Variants in RANBP2 observed in about 807,000 individuals in gnomAD.
The protein encoded by RANBP2 is E3 SUMO-protein ligase RanBP2.
Under a neutral mutation model 303.6 loss-of-function variants are expected in RANBP2, and 57 were observed. The observed-to-expected ratio is 0.19, with a 90% CI of 0.15 to 0.23. The LOEUF is 0.23. RANBP2 is among the 10% of genes least tolerant of loss of function. RANBP2 has a pLI of 1.00. For synonymous variants in RANBP2, 1,167 were observed against 1,301.5 expected (o/e 0.90, Z 2.23); for missense variants, 3,138 against 3,780.8 (o/e 0.83, Z 4.46).
chr2:108,979,467 T>TCTCACACACACACA, the RANBP2 span, among the ~76,000 whole-genome samples: 14 of 147,222 alleles, frequency 9.5e-5, no homozygotes, highest in African/African-American at 2.8e-4. Context: ...TCTCTCTCTC[T>TCTCACACACACACA]CACACACACA....
chr2:108,905,846 G>A, the RANBP2 span, among the ~76,000 whole-genome samples: 1 of 152,206 alleles, frequency 6.6e-6, no homozygotes, highest in Admixed American at 6.5e-5. Flanking sequence ...ACTTAGCTCA[G>A]AAGGCCGCTG....
the RANBP2 span, chr2:109,613,984 C>G: frequency 2.6e-6 from 3 of 1,163,884 alleles, no homozygotes; most frequent in South Asian, 8.5e-5. Flanking sequence ...CGGGGCCGAG[C>G]TGGAGGCCTC....
the RANBP2 span, among the ~76,000 whole-genome samples, chr2:109,033,510 C>G: frequency 6.6e-6 from 1 of 152,180 alleles, no homozygotes; most frequent in Non-Finnish European, 1.5e-5. Flanking sequence ...ATCCATCTCC[C>G]CATCCACCTA....
the RANBP2 span, chr2:109,371,532 T>G: frequency 6.6e-7 from 1 of 1,518,372 alleles, no homozygotes; most frequent in Non-Finnish European, 9.1e-7. Context: ...TTGCTTCCTT[T>G]TTCATTGTGT....
the RANBP2 span, among the ~76,000 whole-genome samples, chr2:109,473,859 C>T: frequency 6.6e-6 from 1 of 152,008 alleles, no homozygotes; most frequent in African/African-American, 2.4e-5. Flanking sequence ...CTGAACCGCT[C>T]TCCTTGTGCC....
the RANBP2 span, among the ~76,000 whole-genome samples, chr2:108,831,700 TCTTCCTTCCTTCCTTC>T: frequency 6.9e-6 from 1 of 145,152 alleles, no homozygotes; most frequent in Non-Finnish European, 1.5e-5. Context: ...TGGCACAGAA[TCTTCCTTCCTTCCTTC>T]CTTCCTTCCT....
chr2:109,156,159 T>C, the RANBP2 span, among the ~76,000 whole-genome samples: 1 of 152,260 alleles, frequency 6.6e-6, no homozygotes, highest in African/African-American at 2.4e-5. Context: ...GCAGTCCATC[T>C]CAGCAGTTTG....
chr2:109,386,661 C>T, the RANBP2 span, among the ~76,000 whole-genome samples: 1 of 152,198 alleles, frequency 6.6e-6, no homozygotes, highest in Non-Finnish European at 1.5e-5. Context: ...ATCCTAGGGG[C>T]AGCCCCAGGA....
chr2:109,611,529 G>A, the RANBP2 span, among the ~76,000 whole-genome samples: 3 of 152,044 alleles, frequency 2.0e-5, no homozygotes, highest in South Asian at 4.2e-4. Flanking sequence ...AGGCTGAGAC[G>A]GGAGGATCGC....
chr2:109,376,143 G>A, the RANBP2 span, among the ~76,000 whole-genome samples: 1 of 152,238 alleles, frequency 6.6e-6, no homozygotes, highest in Non-Finnish European at 1.5e-5. Flanking sequence ...CTGCTCCTCG[G>A]TCCATTGCTG....
chr2:109,283,559 G>A, the RANBP2 span, among the ~76,000 whole-genome samples: 1 of 152,284 alleles, frequency 6.6e-6, no homozygotes, highest in South Asian at 2.1e-4. Flanking sequence ...TAAGATCCTG[G>A]TGAGCAGGAT....
the RANBP2 span, among the ~76,000 whole-genome samples, chr2:109,693,202 G>T: frequency 6.7e-6 from 1 of 148,330 alleles, no homozygotes; most frequent in East Asian, 2.0e-4. Context: ...TTTTGAGAGG[G>T]AATCTCACTC....
At chr2:108,937,558 ATG>A in the RANBP2 span, among the ~76,000 whole-genome samples, 3,621 of 151,602 alleles carry the variant, frequency 0.024, 80 homozygotes, top group African/African-American at 0.056. Context: ...TGTGAATGTT[ATG>A]TGTGTGTGTA....
the RANBP2 span, among the ~76,000 whole-genome samples, chr2:108,799,964 ATTT>A: frequency 0.013 from 2,002 of 152,086 alleles, 46 homozygotes; most frequent in African/African-American, 0.046. Flanking sequence ...TAAAAAATTT[ATTT>A]TTGTTTTTCT....
the RANBP2 span, among the ~76,000 whole-genome samples, chr2:109,686,455 C>G: frequency 2.0e-5 from 3 of 152,280 alleles, no homozygotes; most frequent in African/African-American, 4.8e-5. Context: ...GCTGGGATTA[C>G]AGGCGCCCGC....
At chr2:109,344,597 C>T in the RANBP2 span, among the ~76,000 whole-genome samples, 1 of 152,176 alleles carries the variant, frequency 6.6e-6, no homozygotes, top group Non-Finnish European at 1.5e-5. Flanking sequence ...CAGCCCATGA[C>T]AGGCTGATGG....
the RANBP2 span, among the ~76,000 whole-genome samples, chr2:109,619,368 A>G: frequency 6.6e-6 from 1 of 152,216 alleles, no homozygotes; most frequent in Non-Finnish European, 1.5e-5. Context: ...TGCACACACC[A>G]TCTGCCATAA....
chr2:108,750,552 A>G (rs1051035558), intron 9 of RANBP2, among the ~76,000 whole-genome samples: 2 of 115,868 alleles, frequency 1.7e-5, no homozygotes, highest in African/African-American at 5.5e-5. Flanking sequence ...CCAGAAGCAC[A>G]TAACCTTTTC....
Position 108,766,577 on chromosome 2 carries a change from T to C in RANBP2, c.6038T>C (p.Phe2013Ser), listed in dbSNP as rs746527972. 1 of 1,611,966 alleles carries C rather than the reference T, an allele frequency of 6.2e-7. No homozygotes were observed. The highest frequency in any genetic ancestry group is 1.1e-5 in the South Asian group (1 of 90,982). The part of the protein sequence containing the change: ...YKTEDSDDIH[F>S]EPVVQMPEKV... ...ACTGAGGACAGCGATGACATCCATT[T>C]TGAACCAGTAGTTCAAATGCCCGAA... is the stretch of plus-strand genomic sequence containing the variant. Residue 2013 changes from phenylalanine to serine, a missense_variant, in exon 20 of 29, where the codon TTT becomes TCT. Phe to Ser is a radical substitution (Grantham distance 155, BLOSUM62 -2). Transcript: ENST00000283195.
Sources: allele counts gnomAD v4.1 joint callset (sites outside exome capture counted in the v4.1 genomes callset), GRCh38; gene constraint gnomAD v4.1.1; transcripts MANE v1.5; gene names NCBI Gene and HGNC (gene_info 2026-07-23, HGNC 2026-07-21).